Variants in SPTB observed in about 807,000 individuals in gnomAD.
SPTB encodes spectrin beta chain, erythrocytic.
In SPTB, 45 loss-of-function variants were observed where a neutral mutation model predicts 256.2. The ratio of observed to expected loss-of-function variants is 0.18; its 90% confidence interval spans 0.14 to 0.23. The LOEUF is 0.23. Among genes scored for constraint, SPTB ranks in the 10% least tolerant of loss-of-function variants. The pLI, the probability that SPTB is intolerant of heterozygous loss-of-function variation, is 1.00. For synonymous variants in SPTB, 1,231 were observed against 1,243.1 expected (o/e 0.99, Z 0.21); for missense variants, 2,715 against 3,040.4 (o/e 0.89, Z 2.52).
chr14:64,752,114 AAC>A, intron 33 of SPTB: 3 of 1,198,446 alleles, frequency 2.5e-6, no homozygotes, highest in South Asian at 2.6e-5. Context: ...AACAAAACAA[AAC>A]ACAAAAAAAG....
chr14:64,817,902 G>T lies in SPTB; in HGVS notation c.148+5045C>A, dbSNP rs372742633. ...TTAACCTCGGGACCTGCATGCAGTG[G>T]GTCCTGAAGACAGTTAAGGCTCAGA... On this transcript the variant is annotated intron_variant, in intron 2 of 35. Transcript: ENST00000644917. 2.8e-4 allele frequency among the ~76,000 whole-genome samples: 42 copies of T among 152,350 alleles called. No homozygotes were observed. In the South Asian group the frequency reaches 8.3e-3, roughly 30 times the overall value.
At chr14:64,842,006 C>T (rs536806487) in intron 1 of SPTB, among the ~76,000 whole-genome samples, 1 of 152,342 alleles carries the variant, frequency 6.6e-6, no homozygotes, top group Non-Finnish European at 1.5e-5. Context: ...CATGTCAGTG[C>T]CTTACCAATA....
chr14:64,776,791 A>C (rs2082365046), intron 22 of SPTB, among the ~76,000 whole-genome samples: 2 of 152,212 alleles, frequency 1.3e-5, no homozygotes, highest in Admixed American at 1.3e-4. Flanking sequence ...GTATCTGTGC[A>C]GGGTACTTAC....
rs1024829713 is a variant in SPTB at position 64,790,113 on chromosome 14, A to C, written c.2804+1606T>G. Among the ~76,000 whole-genome samples the C allele has an allele frequency of 3.0e-4, 45 of 152,354 alleles. No homozygotes were observed. The highest frequency in any genetic ancestry group is 1.1e-3 in the African/African-American group (45 of 41,578). The stretch of plus-strand genomic sequence containing the variant: ...CTTTTTAACCAAAAAGAATTGCCCA[A>C]AAATGAGATAGGCTGCCGGGTGAGG... On this transcript the variant is annotated intron_variant, in intron 15 of 35. Coordinates refer to ENST00000644917, the MANE Select transcript of SPTB (RefSeq NM_001355436.2). The surrounding 1 kb of genome is among the most constrained non-coding windows in gnomAD (Gnocchi z 4.8).
Position 64,749,515 on chromosome 14 carries a change from C to A in SPTB, c.6820-42G>T, listed in dbSNP as rs1226431939. ...CACGGTGGAGTCTGGAGGCCCACAG[C>A]CCCCCACCTCCCGGGCCAGGCAACA... is the stretch of plus-strand genomic sequence containing the variant. On this transcript the variant is annotated intron_variant, in intron 35 of 35. Transcript: ENST00000644917. This position sits in a 1 kb window ranked among gnomAD's most constrained non-coding sequence, Gnocchi z 4.7. 2.5e-6 allele frequency: 4 copies of A among 1,596,314 alleles called. No homozygotes were observed. The highest frequency in any genetic ancestry group is 3.4e-6 in the Non-Finnish European group (4 of 1,176,920).
rs1695765 is a variant in SPTB, at chr14:64,779,592, A to G, written c.4473+133T>C. 250,976 of 924,698 alleles carry G rather than the reference A, an allele frequency of 0.27. 40,058 individuals are homozygous for G. Among genetic ancestry groups the G allele is most frequent in the African/African-American group, 0.62 (38,045 of 61,760 alleles). The allele number at this position is 924,698 out of a possible 1,614,324, so 57.3% of individuals were successfully genotyped here. ...GCTTTCCATTTAATGTAATCCTCAC[A>G]AGAACCCTATGAGATAAGGGGTGAG... is the stretch of plus-strand genomic sequence containing the variant. On this transcript the variant is annotated intron_variant, in intron 21 of 35. Coordinates refer to ENST00000644917, the MANE Select transcript of SPTB (RefSeq NM_001355436.2). The surrounding 1 kb of genome is among the most constrained non-coding windows in gnomAD (Gnocchi z 4.2).
Position 64,800,804 on chromosome 14 carries a change from G to T in SPTB, c.828C>A (p.Tyr276Ter). The change falls in exon 8 of 36, where the codon TAC (tyrosine) becomes TAA (stop). Residue 276 changes from tyrosine to a stop codon, truncating the protein, a stop_gained. Transcript: ENST00000644917. LOFTEE classifies it high-confidence loss of function. ...IITYVVAFYH[Y>*]FSKMKVLAVE... is the part of the protein sequence containing the mutation. ...CTGCCAGCACCTTCATCTTGGAGAAGTAGTGGTAAAAGGCCACCACATAGG... is the reference window on the plus strand; with the variant it reads ...CTGCCAGCACCTTCATCTTGGAGAATTAGTGGTAAAAGGCCACCACATAGG... 1 of 1,614,254 alleles carries T rather than the reference G, an allele frequency of 6.2e-7. No individual in the cohort carries two copies. The highest frequency in any genetic ancestry group is 8.5e-7 in the Non-Finnish European group (1 of 1,180,052).
Position 64,769,071 on chromosome 14 carries a change from A to G in SPTB, c.5985T>C (p.Asn1995=). Residue 1995 remains asparagine, a synonymous_variant, in exon 29 of 36, where the codon AAT becomes AAC. Coordinates refer to ENST00000644917, the MANE Select transcript of SPTB (RefSeq NM_001355436.2). ...QQVMSRRKEM[N]EKWEARWERL... ...GCTCCCAGCGGGCTTCCCACTTCTC[A>G]TTCATCTCTTTCCTCCTGGACATCA... 6.2e-7 allele frequency: 1 copy of G among 1,613,640 alleles called. No individual in the cohort carries two copies. Among genetic ancestry groups the G allele is most frequent in the Non-Finnish European group, 8.5e-7 (1 of 1,179,972 alleles).
Position 64,747,119 on chromosome 14 carries a change from C to A in SPTB, c.*2187G>T, listed in dbSNP as rs1018396320. The A allele has an allele frequency of 1.3e-5, 2 of 152,570 alleles. No individual in the cohort carries two copies. Among genetic ancestry groups the A allele is most frequent in the African/African-American group, 4.8e-5 (2 of 41,452 alleles). 9.5% of individuals were successfully genotyped at this position (152,570 alleles called of 1,614,324 possible). On this transcript the variant is annotated 3_prime_UTR_variant, in exon 36 of 36. Coordinates refer to ENST00000644917, the MANE Select transcript of SPTB (RefSeq NM_001355436.2). ...TGGGGTGGTGAGATGCTAGCTCTTC[C>A]ACTAGAGCCCTTCCTTTCTCGGGTC...
intron 2 of SPTB, among the ~76,000 whole-genome samples, chr14:64,819,567 G>A (rs2083253484): frequency 6.6e-6 from 1 of 152,192 alleles, no homozygotes; most frequent in Admixed American, 6.5e-5. Context: ...CATGGCATGG[G>A]GCTTCATCTC....
Position 64,841,163 on chromosome 14 carries a change from G to A in SPTB, c.-51-18018C>T, listed in dbSNP as rs1351543007. Among the ~76,000 whole-genome samples the A allele has an allele frequency of 6.6e-6, 1 of 152,168 alleles. No homozygotes were observed. The highest frequency in any genetic ancestry group is 1.5e-5 in the Non-Finnish European group (1 of 68,038). ...CTCCTCAGAACAACGCTGAGTACAA[G>A]CCACTCTCCTTATCCCCATTTTATG... On this transcript the variant is annotated intron_variant, in intron 1 of 35. Coordinates refer to ENST00000644917, the MANE Select transcript of SPTB (RefSeq NM_001355436.2). This position sits in a 1 kb window ranked among gnomAD's most constrained non-coding sequence, Gnocchi z 4.6.
Position 64,844,912 on chromosome 14 carries a change from T to A in SPTB, c.-51-21767A>T, listed in dbSNP as rs1012068888. Among the ~76,000 whole-genome samples, 1 of 152,222 alleles carries A rather than the reference T, an allele frequency of 6.6e-6. No individual in the cohort carries two copies. Among genetic ancestry groups the A allele is most frequent in the Non-Finnish European group, 1.5e-5 (1 of 68,038 alleles). On this transcript the variant is annotated intron_variant, in intron 1 of 35. Transcript: ENST00000644917. This position sits in a 1 kb window ranked among gnomAD's most constrained non-coding sequence, Gnocchi z 4.1. ...ACTTTGGAGATGGAGAAGAAGATGA[T>A]CTTCCTAAAACTTCTGAGCATTTCA...
chr14:64,763,072 G>A (rs1270071271), intron 32 of SPTB, among the ~76,000 whole-genome samples: 1 of 152,200 alleles, frequency 6.6e-6, no homozygotes, highest in Admixed American at 6.5e-5. Flanking sequence ...TTTAGCCTGG[G>A]GGGACTTGCA....
chr14:64,791,616 G>T, intron 15 of SPTB, 103 bp downstream of exon 15: 15 of 779,328 alleles, frequency 1.9e-5, no homozygotes, highest in East Asian at 3.0e-5. Context: ...GGGTATAGAA[G>T]TGTTGGTGCA....
chr14:64,856,773 T>C (rs1336636634), intron 1 of SPTB, among the ~76,000 whole-genome samples: 2 of 152,242 alleles, frequency 1.3e-5, no homozygotes, highest in Admixed American at 1.3e-4. Flanking sequence ...AATTTGTTTC[T>C]TGTTTGGTCT....
rs907694914 is a variant in SPTB at position 64,764,776 on chromosome 14, G to A, written c.6345+1950C>T. On this transcript the variant is annotated intron_variant, in intron 32 of 35. Coordinates refer to ENST00000644917, the MANE Select transcript of SPTB (RefSeq NM_001355436.2). This position sits in a 1 kb window ranked among gnomAD's most constrained non-coding sequence, Gnocchi z 4.2. ...GGGTGCAGGGCCCTAGCCCGTGTCC[G>A]CAGTCTGTGCCGGCCCCCCAGAGTT... Among the ~76,000 whole-genome samples, 9 of 152,176 alleles carry A rather than the reference G, an allele frequency of 5.9e-5. No individual in the cohort carries two copies. The highest frequency in any genetic ancestry group is 2.2e-4 in the African/African-American group (9 of 41,452).
chr14:64,855,912 A>G (rs955076469), intron 1 of SPTB, among the ~76,000 whole-genome samples: 1 of 152,120 alleles, frequency 6.6e-6, no homozygotes, highest in Non-Finnish European at 1.5e-5. Context: ...CTGGTAGGAC[A>G]CCTGCTCAGT....
intron 19 of SPTB, among the ~76,000 whole-genome samples, chr14:64,783,293 C>T (rs1181602621): frequency 6.6e-6 from 1 of 152,080 alleles, no homozygotes; most frequent in Non-Finnish European, 1.5e-5. Flanking sequence ...AACCTCCGCC[C>T]CCCAGTTTAA....
chr14:64,858,979 C>T (rs759347816), intron 1 of SPTB, among the ~76,000 whole-genome samples: 9 of 152,178 alleles, frequency 5.9e-5, no homozygotes, highest in Non-Finnish European at 1.3e-4. Context: ...GTTAAATAGG[C>T]CAGGTGCAAT....
Sources: gnomAD v4.1 joint callset for allele counts (sites outside exome capture counted in the v4.1 genomes callset) on GRCh38, gnomAD v4.1.1 for gene constraint, Gnocchi (gnomAD v3.1) non-coding constraint, MANE v1.5 for transcripts, NCBI Gene and HGNC (gene_info 2026-07-23, HGNC 2026-07-21) for gene names.